UVRAG: variants seen among roughly 807,000 people sequenced by gnomAD.
The protein encoded by UVRAG is UV radiation resistance associated.
In UVRAG, 19 loss-of-function variants were observed where a neutral mutation model predicts 78.0. The ratio of observed to expected loss-of-function variants is 0.24; its 90% CI spans 0.17 to 0.36. UVRAG has a LOEUF of 0.36. Ranked by LOEUF, UVRAG falls within the 10% of genes least tolerant of loss-of-function variation. The probability of loss-of-function intolerance (pLI) is 1.00; values close to 1 mark genes in which losing one functional copy is unlikely to be tolerated. For synonymous variants in UVRAG, 323 were observed against 324.6 expected, an observed-to-expected ratio of 1.00 and a Z score of 0.05; for missense variants, 740 against 853.8, an observed-to-expected ratio of 0.87 and a Z score of 1.66.
At chr11:75,972,862 A>G (rs1359268876) in intron 7 of UVRAG, among the ~76,000 whole-genome samples, 1 of 152,180 alleles carries the variant, frequency 6.6e-6, no homozygotes, top group African/African-American at 2.4e-5. Flanking sequence ...CTAACTTTTT[A>G]TACTTATTAA....
At chr11:76,021,256 C>A (rs746213495) in intron 12 of UVRAG, among the ~76,000 whole-genome samples, 1 of 151,830 alleles carries the variant, frequency 6.6e-6, no homozygotes, top group Admixed American at 6.6e-5. Context: ...AATTGGTGTT[C>A]CTGCAAGGTT....
In UVRAG at chr11:75,884,240, T is replaced by TTCTC. The variant is rs767650431; in HGVS notation, c.432+4212_432+4215dup. On this transcript the variant is annotated intron_variant, in intron 4 of 14. Transcript: ENST00000356136. ...TCTCTCTCTCTCTCTCTCTCTCTCT[T>TTCTC]TCTCTCTCTCTCTCTGTGTGAAGTG... Among the ~76,000 whole-genome samples, 497 of 132,556 alleles carry TTCTC rather than the reference T, an allele frequency of 3.7e-3. 3 individuals carry two copies. The highest frequency in any genetic ancestry group is 0.015 in the African/African-American group (469 of 31,154). 87.0% of individuals were successfully genotyped at this position (132,556 alleles called of 152,430 possible).
chr11:76,038,299 A>G (rs1026237785), intron 12 of UVRAG, among the ~76,000 whole-genome samples: 1 of 152,198 alleles, frequency 6.6e-6, no homozygotes, highest in African/African-American at 2.4e-5. Flanking sequence ...ATGAAAATGG[A>G]AAAAAATTCC....
intron 13 of UVRAG, among the ~76,000 whole-genome samples, chr11:76,074,457 T>G (rs929255592): frequency 5.3e-5 from 8 of 152,220 alleles, no homozygotes; most frequent in African/African-American, 1.9e-4. Context: ...TCTTCTCTCC[T>G]TTTCTGAAAG....
At chr11:76,018,105 G>A (rs1950180334) in intron 12 of UVRAG, among the ~76,000 whole-genome samples, 1 of 152,166 alleles carries the variant, frequency 6.6e-6, no homozygotes, top group African/African-American at 2.4e-5. Flanking sequence ...AAAAAGGGTT[G>A]AGTGGGGTTA....
intron 14 of UVRAG, among the ~76,000 whole-genome samples, chr11:76,126,228 A>G (rs562318299): frequency 4.6e-5 from 7 of 152,334 alleles, no homozygotes; most frequent in Non-Finnish European, 1.0e-4. Context: ...GGCGTGAGCC[A>G]CCATGCCCGG....
intron 12 of UVRAG, among the ~76,000 whole-genome samples, chr11:76,035,294 A>G (rs904072310): frequency 6.6e-6 from 1 of 152,200 alleles, no homozygotes; most frequent in Non-Finnish European, 1.5e-5. Flanking sequence ...TGGTTTCTGT[A>G]TAAATCACAA....
At chr11:76,053,714 G>A (rs1240021664) in intron 12 of UVRAG, among the ~76,000 whole-genome samples, 1 of 152,168 alleles carries the variant, frequency 6.6e-6, no homozygotes, top group Admixed American at 6.5e-5. Context: ...GCTCACACCT[G>A]TAATCCCAGA....
rs1951171906 is a variant in UVRAG, at chr11:76,065,703, T to C, written c.1227-7T>C. ...GAAAATATCTGATCCTTTTTTACCT[T>C]TCTTAGGTTTCCACTGTATCCAAAA... is the stretch of plus-strand genomic sequence containing the variant. On this transcript the variant is annotated splice_polypyrimidine_tract_variant and splice_region_variant and intron_variant, in intron 12 of 14. Transcript: ENST00000356136. 1 of 1,613,430 alleles carries C rather than the reference T, an allele frequency of 6.2e-7. No homozygotes were observed. Among genetic ancestry groups the C allele is most frequent in the South Asian group, 1.1e-5 (1 of 91,044 alleles).
chr11:76,137,635 A>G, intron 14 of UVRAG: 1 of 366,424 alleles, frequency 2.7e-6, no homozygotes. Flanking sequence ...CCTGTGGCTC[A>G]CACCTGTAAT....
At chr11:76,077,000 TGGCAAAC>T (rs964290629) in intron 13 of UVRAG, among the ~76,000 whole-genome samples, 13 of 147,952 alleles carry the variant, frequency 8.8e-5, no homozygotes, top group African/African-American at 3.2e-4. Flanking sequence ...CTGGGCGACA[TGGCAAAC>T]CCTGTCTCAA....
At chr11:75,979,307 A>G (rs959545912) in intron 7 of UVRAG, among the ~76,000 whole-genome samples, 1 of 152,186 alleles carries the variant, frequency 6.6e-6, no homozygotes, top group East Asian at 1.9e-4. Flanking sequence ...CCTCCCAGTT[A>G]GGCTACTTGG....
intron 13 of UVRAG, among the ~76,000 whole-genome samples, chr11:76,098,688 A>C (rs960438249): frequency 1.3e-5 from 2 of 152,204 alleles, no homozygotes; most frequent in Non-Finnish European, 2.9e-5. Context: ...TGAATAGCAC[A>C]AAGAGTAATA....
intron 3 of UVRAG, among the ~76,000 whole-genome samples, chr11:75,864,397 T>G (rs1172270825): frequency 6.6e-6 from 1 of 152,168 alleles, no homozygotes; most frequent in Non-Finnish European, 1.5e-5. Context: ...TTTTCTTAGC[T>G]TTTTGCTAAT....
rs398045280 is a variant in UVRAG, at chr11:76,003,257, A to ATT, written c.827-718_827-717dup. Among the ~76,000 whole-genome samples the ATT allele has an allele frequency of 1.0e-3, 56 of 53,786 alleles. 4 individuals carry two copies. The highest frequency in any genetic ancestry group is 4.8e-3 in the East Asian group (7 of 1,452). 35.3% of individuals were successfully genotyped at this position (53,786 alleles called of 152,430 possible). A position where few individuals can be genotyped will look rare whatever the true frequency, so the allele number is the denominator to read the frequency against. On this transcript the variant is annotated intron_variant, in intron 8 of 14. Transcript: ENST00000356136. ...CACTATGATTTTCACGAAAATACTG[A>ATT]TTTTTTTTTTTTTTTTTTTTTTTTT...
At chr11:75,836,194 G>C (rs1590915729) in intron 1 of UVRAG, among the ~76,000 whole-genome samples, 1 of 152,090 alleles carries the variant, frequency 6.6e-6, no homozygotes, top group East Asian at 1.9e-4. Flanking sequence ...TTGCTACTCT[G>C]CATCACTTGT....
At chr11:76,040,301 G>A (rs550769929) in intron 12 of UVRAG, among the ~76,000 whole-genome samples, 307 of 151,484 alleles carry the variant, frequency 2.0e-3, no homozygotes, top group African/African-American at 7.2e-3. Context: ...GTGAAACCCC[G>A]TCTCTACTAA....
intron 13 of UVRAG, among the ~76,000 whole-genome samples, chr11:76,107,532 G>A (rs1488661309): frequency 6.6e-6 from 1 of 152,220 alleles, no homozygotes; most frequent in Non-Finnish European, 1.5e-5. Context: ...GCTGTGTCCA[G>A]TGTTTACATT....
At chr11:76,111,263 C>G (rs576264364) in intron 13 of UVRAG, among the ~76,000 whole-genome samples, 5 of 152,058 alleles carry the variant, frequency 3.3e-5, no homozygotes, top group Non-Finnish European at 7.4e-5. Flanking sequence ...TTGGCAGAAG[C>G]CTTTACGAAG....
Sources: gnomAD v4.1 joint callset for allele counts (sites outside exome capture counted in the v4.1 genomes callset) on GRCh38, gnomAD v4.1.1 for gene constraint, MANE v1.5 for transcripts, NCBI Gene and HGNC (gene_info 2026-07-23, HGNC 2026-07-21) for gene names.